Variants in SCP2 observed in about 807,000 individuals in gnomAD.
SCP2 encodes the protein sterol carrier protein 2, also known as SCP-2/3-oxoacyl-CoA thiolase.
A neutral mutation model predicts 71.4 loss-of-function variants in SCP2; 48 were observed. The ratio of observed to expected loss-of-function variants is 0.67; its 90% CI spans 0.53 to 0.86. The LOEUF is 0.86. Among genes scored for constraint, SCP2 ranks in the 40% least tolerant of loss-of-function variants. SCP2 has a pLI of 0.00. For missense variants in SCP2, 560 were observed against 655.6 expected (o/e 0.85, Z 1.59); for synonymous variants, 220 against 218.1 (o/e 1.01, Z -0.08).
At chr1:52,958,390 C>T (rs899790201) in intron 5 of SCP2, among the ~76,000 whole-genome samples, 1 of 151,942 alleles carries the variant, frequency 6.6e-6, no homozygotes, top group Non-Finnish European at 1.5e-5. Flanking sequence ...ACCGCCATGC[C>T]GGGCTAATTT....
intron 5 of SCP2, among the ~76,000 whole-genome samples, chr1:52,959,432 T>G (rs1572089084): frequency 6.6e-6 from 1 of 151,952 alleles, no homozygotes; most frequent in Non-Finnish European, 1.5e-5. Flanking sequence ...CGACCTCAGG[T>G]GATCCACCCG....
At chr1:52,980,664 G>A in intron 10 of SCP2, 121 bp downstream of exon 10, 1 of 1,016,502 alleles carries the variant, frequency 9.8e-7, no homozygotes, top group Admixed American at 1.8e-5. Flanking sequence ...GCCACACTGT[G>A]GGAAATGAAT....
chr1:53,042,423 A>C (rs925530122), intron 14 of SCP2, among the ~76,000 whole-genome samples: 3 of 152,020 alleles, frequency 2.0e-5, no homozygotes, highest in African/African-American at 7.3e-5. Flanking sequence ...ATGCTGATGG[A>C]AAGCTGTTGA....
At chr1:53,031,018 A>G (rs17107670) in intron 13 of SCP2, among the ~76,000 whole-genome samples, 2,363 of 151,540 alleles carry the variant, frequency 0.016, 70 homozygotes, top group African/African-American at 0.054. Flanking sequence ...GTTGCACTCT[A>G]TAAAGTCTCG....
chr1:52,976,676 T>C lies in SCP2; in HGVS notation c.588-7T>C. ...CATTCTGTAACTAATATTTATTTTG[T>C]ATTTAGGTATTCCCAGTTCCAAGAT... On this transcript the variant is annotated splice_polypyrimidine_tract_variant and splice_region_variant and intron_variant, in intron 7 of 15. Transcript: ENST00000371514. The C allele has an allele frequency of 7.1e-7, 1 of 1,401,424 alleles. No individual in the cohort carries two copies. 86.8% of individuals were successfully genotyped at this position (1,401,424 alleles called of 1,614,324 possible).
At chr1:53,041,315 T>C (rs1221872123) in intron 14 of SCP2, among the ~76,000 whole-genome samples, 2 of 151,440 alleles carry the variant, frequency 1.3e-5, no homozygotes, top group Non-Finnish European at 2.9e-5. Flanking sequence ...GGCAGGAAAA[T>C]TGCTTGAACC....
intron 11 of SCP2, among the ~76,000 whole-genome samples, chr1:53,002,861 A>G (rs1028730271): frequency 1.3e-5 from 2 of 152,214 alleles, no homozygotes; most frequent in African/African-American, 4.8e-5. Flanking sequence ...TTTTCAAATC[A>G]AACCATGGCT....
chr1:52,966,180 A>G (rs1322602197), intron 6 of SCP2, among the ~76,000 whole-genome samples: 1 of 152,350 alleles, frequency 6.6e-6, no homozygotes, highest in East Asian at 1.9e-4. Context: ...AGTGGAAGAC[A>G]GTAAGCATCC....
rs1364150337 is a variant in SCP2 at position 53,039,009 on chromosome 1, T to G, written c.1431T>G (p.Asp477Glu). 6.2e-7 allele frequency: 1 copy of G among 1,614,208 alleles called. No homozygotes were observed. Among genetic ancestry groups the G allele is most frequent in the Non-Finnish European group, 8.5e-7 (1 of 1,180,030 alleles). Residue 477 changes from aspartate (D) to glutamate (E), a missense_variant, in exon 14 of 16, where the codon GAT (aspartate) becomes GAG (glutamate). This residue lies in a region of SCP2 where 513 missense variants were observed against 573.1 expected (regional missense o/e 0.90). Coordinates refer to ENST00000371514, the MANE Select transcript of SCP2 (RefSeq NM_002979.5). ...GTAAAGAGGCCACCTGGGTGGTGGATGTGAAGAATGGCAAAGGATCAGTGC... is the reference window on the plus strand; with the variant it reads ...GTAAAGAGGCCACCTGGGTGGTGGAGGTGAAGAATGGCAAAGGATCAGTGC... ...PGGKEATWVV[D>E]VKNGKGSVLP...
At chr1:52,971,314 T>C (rs1052855851) in intron 6 of SCP2, among the ~76,000 whole-genome samples, 3 of 152,202 alleles carry the variant, frequency 2.0e-5, no homozygotes, top group African/African-American at 7.2e-5. Flanking sequence ...TTTTCCTCAA[T>C]TACCTGGAAA....
intron 15 of SCP2, chr1:53,048,988 A>T (rs1664023237): frequency 6.6e-6 from 1 of 152,158 alleles, no homozygotes; most frequent in African/African-American, 2.4e-5. Context: ...TCTCACTCCC[A>T]CTTGCTTTTT....
intron 11 of SCP2, among the ~76,000 whole-genome samples, chr1:53,010,522 G>A (rs556842380): frequency 4.1e-4 from 63 of 152,178 alleles, no homozygotes; most frequent in African/African-American, 1.3e-3. Context: ...GCAAACTGTC[G>A]GAAGGACAGA....
At chr1:52,944,304 AT>A (rs907147122) in intron 2 of SCP2, among the ~76,000 whole-genome samples, 1 of 152,074 alleles carries the variant, frequency 6.6e-6, no homozygotes, top group Non-Finnish European at 1.5e-5. Context: ...ATATATTTAG[AT>A]TTTGCTTCAA....
intron 11 of SCP2, among the ~76,000 whole-genome samples, chr1:53,004,109 G>C (rs1286965758): frequency 6.6e-6 from 1 of 152,154 alleles, no homozygotes; most frequent in African/African-American, 2.4e-5. Context: ...CGGGTGGGTG[G>C]GATGTACCAC....
intron 1 of SCP2, among the ~76,000 whole-genome samples, chr1:52,941,302 G>A (rs780547033): frequency 2.0e-5 from 3 of 152,146 alleles, no homozygotes; most frequent in African/African-American, 7.2e-5. Context: ...TTCTGACACT[G>A]TAGTGTAACT....
At chr1:53,048,136 A>C (rs1213956571) in intron 15 of SCP2, 199 bp downstream of exon 15, 2 of 571,108 alleles carry the variant, frequency 3.5e-6, no homozygotes, top group Non-Finnish European at 6.6e-6. Context: ...AAGAGTAAGA[A>C]AGTTCCCACG....
Position 52,993,098 on chromosome 1 carries a change from T to G in SCP2, c.1081+4962T>G, listed in dbSNP as rs572357195. 6.4e-4 allele frequency: 855 copies of G among 1,342,776 alleles called. 1 individual carries two copies. The highest frequency in any genetic ancestry group is 7.0e-4 in the Non-Finnish European group (654 of 935,876). The allele number at this position is 1,342,776 out of a possible 1,614,324, so 83.2% of individuals were successfully genotyped here. On this transcript the variant is annotated intron_variant, in intron 11 of 15. Coordinates refer to ENST00000371514, the MANE Select transcript of SCP2 (RefSeq NM_002979.5). The stretch of plus-strand genomic sequence containing the variant: ...GTCTAAGGCTAACATGGTGATCATT[T>G]GTCTAAGGCTAGAAAGGTACCAACA...
At chr1:52,943,809 A>G (rs1232048451) in intron 2 of SCP2, 6 of 452,332 alleles carry the variant, frequency 1.3e-5, no homozygotes, top group Non-Finnish European at 2.6e-5. Context: ...CCAGGCCTGT[A>G]ATGATGAGGT....
intron 14 of SCP2, among the ~76,000 whole-genome samples, chr1:53,040,997 A>G (rs988879493): frequency 6.6e-6 from 1 of 152,190 alleles, no homozygotes; most frequent in Non-Finnish European, 1.5e-5. Context: ...GGCATCGAGT[A>G]AGCATTCAGT....
Sources: gnomAD v4.1 joint callset for allele counts (sites outside exome capture counted in the v4.1 genomes callset) on GRCh38, gnomAD v4.1.1 for gene constraint, gnomAD v4.1.1 regional missense constraint, MANE v1.5 for transcripts, NCBI Gene and HGNC (gene_info 2026-07-23, HGNC 2026-07-21) for gene names.